CACNA1E: variants seen among roughly 807,000 people sequenced by gnomAD.
CACNA1E encodes the protein calcium voltage-gated channel subunit alpha1 E.
CACNA1E carries 40 observed loss-of-function variants against 259.2 expected under a neutral mutation model. The ratio of observed to expected loss-of-function variants is 0.15; its 90% CI spans 0.12 to 0.20. The LOEUF (loss-of-function observed/expected upper bound fraction) is 0.20, where lower values mean the gene tolerates loss of function less well. Ranked by LOEUF, CACNA1E falls within the 10% of genes least tolerant of loss-of-function variation. CACNA1E has a pLI of 1.00. For missense variants in CACNA1E, 1,874 were observed against 3,040.1 expected (o/e 0.62, Z 9.02); for synonymous variants, 1,104 against 1,138.5 (o/e 0.97, Z 0.61).
chr1:181,518,140 G>T (rs748878583), intron 3 of CACNA1E, among the ~76,000 whole-genome samples: 4 of 152,126 alleles, frequency 2.6e-5, no homozygotes, highest in Non-Finnish European at 5.9e-5. Flanking sequence ...GGGAAACCGA[G>T]GCTGAGTGGA....
chr1:181,768,398 G>A (rs1004853069), intron 35 of CACNA1E, among the ~76,000 whole-genome samples: 3 of 152,124 alleles, frequency 2.0e-5, no homozygotes, highest in African/African-American at 7.2e-5. Flanking sequence ...ATGTGAAAAC[G>A]TTTATAGGTG....
At chr1:181,690,959 T>A (rs1165132882) in intron 7 of CACNA1E, among the ~76,000 whole-genome samples, 1 of 152,122 alleles carries the variant, frequency 6.6e-6, no homozygotes, top group African/African-American at 2.4e-5. Flanking sequence ...GTGCTAGTTA[T>A]GGGTTTCCTT....
intron 7 of CACNA1E, among the ~76,000 whole-genome samples, chr1:181,698,657 C>T (rs184732840): frequency 6.6e-6 from 1 of 151,926 alleles, no homozygotes; most frequent in Non-Finnish European, 1.5e-5. Context: ...TACCACAGCC[C>T]TAGGCACTGG....
At chr1:181,719,990 T>C in intron 13 of CACNA1E, 127 bp downstream of exon 13, 1 of 751,508 alleles carries the variant, frequency 1.3e-6, no homozygotes, top group East Asian at 2.7e-5. Flanking sequence ...CCCACCCCTT[T>C]TCTATTCTTT....
In CACNA1E at chr1:181,738,405, C is replaced by T; in HGVS notation, c.3591C>T (p.Phe1197=). ...TTGACTATGTGTTCACGGGCGTGTT[C>T]ACCTTTGAGATGGTTATAAAGGTAA... The part of the protein sequence containing the change: ...RYFDYVFTGV[F]TFEMVIKMID... The change falls in exon 24 of 48, where the codon TTC becomes TTT. Residue 1197 remains phenylalanine (F), a synonymous_variant. Coordinates refer to ENST00000367573, the MANE Select transcript of CACNA1E (RefSeq NM_001205293.3). 2 of 1,613,782 alleles carry T rather than the reference C, an allele frequency of 1.2e-6. No individual in the cohort carries two copies. Among genetic ancestry groups the T allele is most frequent in the South Asian group, 2.2e-5 (2 of 91,064 alleles).
intron 2 of CACNA1E, among the ~76,000 whole-genome samples, chr1:181,448,957 G>A (rs371714846): frequency 1.3e-5 from 2 of 152,346 alleles, no homozygotes; most frequent in Middle Eastern, 3.4e-3. Context: ...GGCACAGAAC[G>A]GCCTGGAGTG....
chr1:181,770,798 A>C (rs2102762933), intron 35 of CACNA1E, among the ~76,000 whole-genome samples: 1 of 152,286 alleles, frequency 6.6e-6, no homozygotes, highest in African/African-American at 2.4e-5. Flanking sequence ...CCACTCTCTA[A>C]CCTGATCTGC....
rs1023538768 is a variant in CACNA1E at position 181,798,193 on chromosome 1, C to G, written c.6400-99C>G. The G allele has an allele frequency of 7.0e-6, 7 of 1,003,956 alleles. No individual in the cohort carries two copies. The Admixed American group carries it at 1.3e-4, about 19-fold the overall frequency. The allele number at this position is 1,003,956 out of a possible 1,614,324, so 62.2% of individuals were successfully genotyped here. On this transcript the variant is annotated intron_variant, in intron 47 of 47. Transcript: ENST00000367573. This position sits in a 1 kb window ranked among gnomAD's most constrained non-coding sequence, Gnocchi z 4.2. ...ACAGGGAGCTCCAGCTCAGGCCTCT[C>G]CCTGACAGAATTCAGATTCCAAGGA...
intron 6 of CACNA1E, among the ~76,000 whole-genome samples, chr1:181,644,890 A>C (rs1447454566): frequency 6.6e-6 from 1 of 152,202 alleles, no homozygotes; most frequent in Non-Finnish European, 1.5e-5. Context: ...GCCCCCCATC[A>C]TCACCAGCAG....
intron 2 of CACNA1E, among the ~76,000 whole-genome samples, chr1:181,421,034 T>C (rs1479952564): frequency 6.6e-6 from 1 of 152,152 alleles, no homozygotes; most frequent in Non-Finnish European, 1.5e-5. Context: ...AACATGATTT[T>C]TCATATTGGG....
At chr1:181,373,601 A>G (rs1410939383) in intron 1 of CACNA1E, among the ~76,000 whole-genome samples, 17 of 146,610 alleles carry the variant, frequency 1.2e-4, no homozygotes, top group Non-Finnish European at 1.8e-4. Context: ...GCAGTGGCGC[A>G]ATCTCGGCTC....
intron 2 of CACNA1E, among the ~76,000 whole-genome samples, chr1:181,430,639 G>A (rs4288560): frequency 0.43 from 65,780 of 152,056 alleles, 14,985 homozygotes; most frequent in African/African-American, 0.57. Flanking sequence ...TTACTTGCTT[G>A]TCTGTGCAGC....
At chr1:181,636,211 A>G (rs753136434) in intron 6 of CACNA1E, among the ~76,000 whole-genome samples, 1 of 152,166 alleles carries the variant, frequency 6.6e-6, no homozygotes, top group Non-Finnish European at 1.5e-5. Flanking sequence ...TACAAGGCAT[A>G]TTGGTTAAGA....
rs140178414 is a variant in CACNA1E at position 181,357,247 on chromosome 1, C to T, written c.-15+39124C>T. Among the ~76,000 whole-genome samples, 707 of 152,312 alleles carry T rather than the reference C, an allele frequency of 4.6e-3. 20 individuals are homozygous for T. Among genetic ancestry groups the T allele is most frequent in the Admixed American group, 0.039 (590 of 15,310 alleles). On this transcript the variant is annotated intron_variant, in intron 1 of 11. Transcript: ENST00000524607. ...GGGTTGTCAGCTTCCTCCCCTCCAGCGGAGGTGGCTCCCACTCCTGTTCTC... is the reference window on the plus strand; with the variant it reads ...GGGTTGTCAGCTTCCTCCCCTCCAGTGGAGGTGGCTCCCACTCCTGTTCTC...
At chr1:181,391,887 C>G (rs1409165045) in intron 1 of CACNA1E, among the ~76,000 whole-genome samples, 1 of 151,710 alleles carries the variant, frequency 6.6e-6, no homozygotes, top group South Asian at 2.1e-4. Context: ...CAGATCTTCT[C>G]TCTGTCTCTG....
At chr1:181,617,636 G>A (rs1438896633) in intron 6 of CACNA1E, among the ~76,000 whole-genome samples, 1 of 152,166 alleles carries the variant, frequency 6.6e-6, no homozygotes, top group Admixed American at 6.5e-5. Context: ...AATTATAGCA[G>A]TGAGGGGTGC....
At position 181,789,083 on chromosome 1, in the gene CACNA1E, A is replaced by T. The variant is rs1040623011; in HGVS notation, c.5787-1362A>T. ...GCTTTGTTGCCCAGGTTGGTCTCAG[A>T]TTCCTGAGCTCAAGCTATCTTCCCG... On this transcript the variant is annotated intron_variant, in intron 43 of 47. Coordinates refer to ENST00000367573, the MANE Select transcript of CACNA1E (RefSeq NM_001205293.3). Among the ~76,000 whole-genome samples the T allele has an allele frequency of 5.9e-5, 9 of 152,296 alleles. No individual in the cohort carries two copies. In the East Asian group the frequency reaches 1.7e-3, roughly 29 times the overall value.
chr1:181,375,532 C>T (rs1655045378), intron 1 of CACNA1E, among the ~76,000 whole-genome samples: 1 of 152,178 alleles, frequency 6.6e-6, no homozygotes, highest in Non-Finnish European at 1.5e-5. Flanking sequence ...TTGGTGCTTA[C>T]TTCGTCTATT....
At chr1:181,507,247 A>T (rs530389243) in intron 1 of CACNA1E, among the ~76,000 whole-genome samples, 12 of 152,264 alleles carry the variant, frequency 7.9e-5, no homozygotes, top group African/African-American at 2.9e-4. Context: ...ATGAATTCTC[A>T]GCCACCCAGA....
Sources: allele counts gnomAD v4.1 joint callset (sites outside exome capture counted in the v4.1 genomes callset), GRCh38; gene constraint gnomAD v4.1.1; non-coding constraint Gnocchi (gnomAD v3.1); transcripts MANE v1.5; gene names NCBI Gene and HGNC (gene_info 2026-07-23, HGNC 2026-07-21).